PARVB: variants seen among roughly 807,000 people sequenced by gnomAD.
PARVB encodes parvin beta.
In PARVB, 46 loss-of-function variants were observed where a neutral mutation model predicts 47.0. The ratio of observed to expected loss-of-function variants is 0.98; its 90% confidence interval spans 0.77 to 1.25. The LOEUF (loss-of-function observed/expected upper bound fraction) is 1.25. Among genes scored for constraint, PARVB ranks in the 50% most tolerant of loss-of-function variants. The pLI is 0.00. For missense variants in PARVB, 473 were observed against 471.6 expected, an observed-to-expected ratio of 1.00 and a Z score of -0.03; for synonymous variants, 196 against 196.3, an observed-to-expected ratio of 1.00 and a Z score of 0.01.
At chr22:44,092,333 T>C (rs1442826169) in intron 1 of PARVB, among the ~76,000 whole-genome samples, 1 of 152,154 alleles carries the variant, frequency 6.6e-6, no homozygotes, top group Admixed American at 6.5e-5. Flanking sequence ...ATGGTCTCGA[T>C]CTCTTGACCT....
intron 2 of PARVB, among the ~76,000 whole-genome samples, chr22:44,098,551 G>A (rs1001028417): frequency 1.8e-4 from 28 of 152,168 alleles, no homozygotes; most frequent in African/African-American, 5.1e-4. Context: ...AATGAGGCGG[G>A]AGAGGGGCCT....
At chr22:44,013,047 C>G (rs1269190257) in intron 2 of PARVB, among the ~76,000 whole-genome samples, 2 of 152,062 alleles carry the variant, frequency 1.3e-5, no homozygotes. Flanking sequence ...CAGGCACGCA[C>G]CACCACGCCC....
rs554983180 is a variant in PARVB, at chr22:44,097,323, C to T, written c.203-2730C>T. On this transcript the variant is annotated intron_variant, in intron 2 of 12. Coordinates refer to ENST00000338758, the MANE Select transcript of PARVB (RefSeq NM_013327.5). The stretch of plus-strand genomic sequence containing the variant: ...GAGTATGCGGGCCCAGGCCCCTCTG[C>T]TTTAAACATGCCTGCAGTGACTCCG... Among the ~76,000 whole-genome samples the T allele has an allele frequency of 2.6e-5, 4 of 152,334 alleles. No homozygotes were observed. In the South Asian group the frequency reaches 8.3e-4, roughly 32 times the overall value.
At chr22:44,021,907 A>G (rs1288343460), upstream of PARVB, among the ~76,000 whole-genome samples, 1 of 152,126 alleles carries the variant, frequency 6.6e-6, no homozygotes, top group Non-Finnish European at 1.5e-5. Context: ...AGGAGCCTGG[A>G]GAGATGCAGG....
chr22:44,142,576 G>T (rs1024502555), intron 8 of PARVB: 17 of 152,088 alleles, frequency 1.1e-4, no homozygotes, highest in African/African-American at 4.1e-4. Context: ...GCACCCTGTG[G>T]CCCGAGGGCC....
chr22:44,024,376 CG>C lies in PARVB; in HGVS notation c.38del (p.Arg13ProfsTer3). ...GCCGCGCTCGCCCACCCCGCGGCCC[CG>C]CAGGATGAAGAAGGACGAGTCGTTC... ...SAPRSPTPRP[R>X]RMKKDESFLG... On this transcript the variant is annotated frameshift_variant, in exon 1 of 13. Transcript: ENST00000338758. LOFTEE classifies it high-confidence loss of function. 8.2e-7 allele frequency: 1 copy of C among 1,222,246 alleles called. No homozygotes were observed. 75.7% of individuals were successfully genotyped at this position (1,222,246 alleles called of 1,614,324 possible).
intron 8 of PARVB, chr22:44,140,408 C>T: frequency 1.4e-6 from 1 of 725,326 alleles, no homozygotes; most frequent in Non-Finnish European, 2.6e-6. Context: ...GCAGGAGGGG[C>T]CTGGGATGTA....
At chr22:44,018,434 C>T (rs926082060) in intron 2 of PARVB, among the ~76,000 whole-genome samples, 4 of 152,068 alleles carry the variant, frequency 2.6e-5, no homozygotes, top group Admixed American at 6.5e-5. Context: ...ACCACATGCT[C>T]GATGTTTCTG....
chr22:44,139,940 G>A (rs1192659204), intron 7 of PARVB, 184 bp from the exon 8 acceptor site: 8 of 404,756 alleles, frequency 2.0e-5, no homozygotes, highest in East Asian at 1.6e-4. Context: ...AGCACCTCTC[G>A]TTTATAATTA....
chr22:44,037,563 G>A (rs1292894798), intron 1 of PARVB, among the ~76,000 whole-genome samples: 1 of 152,180 alleles, frequency 6.6e-6, no homozygotes, highest in Non-Finnish European at 1.5e-5. Context: ...CACCAAGCTG[G>A]GAAGTCGGTG....
chr22:44,069,291 C>T (rs2051601368), intron 1 of PARVB: 4 of 831,942 alleles, frequency 4.8e-6, no homozygotes. Context: ...TGACTTTTCC[C>T]AGGAAGGTGA....
chr22:44,069,095 GC>G, intron 1 of PARVB: 1 of 1,610,458 alleles, frequency 6.2e-7, no homozygotes, highest in East Asian at 2.2e-5. Flanking sequence ...GTGTGTGCCC[GC>G]CTGCCCTCCG....
intron 3 of PARVB, chr22:44,113,866 A>AGTAT (rs1214220459): frequency 1.6e-5 from 1 of 61,026 alleles, no homozygotes; most frequent in Non-Finnish European, 3.1e-5. Context: ...ATTGTTACTA[A>AGTAT]GGCCCTGCAC....
At chr22:44,053,060 C>T (rs984847367) in intron 1 of PARVB, among the ~76,000 whole-genome samples, 2 of 151,544 alleles carry the variant, frequency 1.3e-5, no homozygotes, top group African/African-American at 4.8e-5. Context: ...AACACACACA[C>T]ATCTTTGTAT....
intron 4 of PARVB, chr22:44,119,729 G>A (rs1012608427): frequency 7.8e-6 from 4 of 512,288 alleles, no homozygotes; most frequent in Non-Finnish European, 1.6e-5. Context: ...AACAGACGTG[G>A]TCCCTGTCCT....
At chr22:44,055,889 C>T (rs1291463504) in intron 1 of PARVB, among the ~76,000 whole-genome samples, 4 of 152,132 alleles carry the variant, frequency 2.6e-5, no homozygotes, top group East Asian at 1.9e-4. Flanking sequence ...GAGGCCTATC[C>T]GCACTGGGGA....
chr22:44,128,153 G>A (rs1223774694), intron 4 of PARVB, among the ~76,000 whole-genome samples: 4 of 152,204 alleles, frequency 2.6e-5, no homozygotes, highest in Non-Finnish European at 5.9e-5. Flanking sequence ...GGTTTCTGGG[G>A]GTGTAGCTCC....
At chr22:44,159,367 C>G (rs1482675931) in intron 11 of PARVB, among the ~76,000 whole-genome samples, 1 of 152,246 alleles carries the variant, frequency 6.6e-6, no homozygotes, top group African/African-American at 2.4e-5. Context: ...TCAGAGGCAT[C>G]ATCTCCTGGG....
At chr22:44,001,031 C>T (rs927281257) in intron 2 of PARVB, among the ~76,000 whole-genome samples, 2 of 152,198 alleles carry the variant, frequency 1.3e-5, no homozygotes, top group African/African-American at 4.8e-5. Flanking sequence ...GGCGGATCAC[C>T]TGAGGTCAGG....
Sources: gnomAD v4.1 joint callset for allele counts (sites outside exome capture counted in the v4.1 genomes callset) on GRCh38, gnomAD v4.1.1 for gene constraint, MANE v1.5 for transcripts, NCBI Gene and HGNC (gene_info 2026-07-23, HGNC 2026-07-21) for gene names.